The following DNAJB14 variants were observed in gnomAD, a reference collection of about 807,000 sequenced individuals.
The protein encoded by DNAJB14 is DnaJ heat shock protein family (Hsp40) member B14, also known as dnaJ homolog subfamily B member 14.
In DNAJB14, 22 loss-of-function variants were observed where a neutral mutation model predicts 48.4. That is an observed-to-expected ratio of 0.45 (90% confidence interval 0.32 to 0.65). The LOEUF is 0.65. Among genes scored for constraint, DNAJB14 ranks in the 30% least tolerant of loss-of-function variants. DNAJB14 has a pLI of 0.03. For missense variants in DNAJB14, 319 were observed against 458.8 expected (o/e 0.70, Z 2.78); for synonymous variants, 142 against 158.7 (o/e 0.89, Z 0.79).
At position 99,899,049 on chromosome 4, in the gene DNAJB14, T is replaced by A. The variant is rs527874715; in HGVS notation, c.*1979A>T. 7 of 152,032 alleles carry A rather than the reference T, an allele frequency of 4.6e-5. No homozygotes were observed. The highest frequency in any genetic ancestry group is 1.4e-4 in the African/African-American group (6 of 41,566). 9.4% of individuals were successfully genotyped at this position (152,032 alleles called of 1,614,324 possible). On this transcript the variant is annotated 3_prime_UTR_variant, in exon 8 of 8. Transcript: ENST00000442697. ...ATTTAATGGAATGCAGCACTGCAAC[T>A]GAAATATAATACTGTCCAAAAGCCA...
In DNAJB14 at chr4:99,946,392, G is replaced by A. The variant is rs1157148539; in HGVS notation, c.133+47C>T. 3.8e-6 allele frequency: 6 copies of A among 1,571,382 alleles called. 1 individual carries two copies. The South Asian group carries it at 6.9e-5, about 18-fold the overall frequency. ...AGGTGGGGGCAGGGGCGGGCTACGCGGTGGTCTGGGGATTGGGCAGGAAGA... is the reference window on the plus strand; with the variant it reads ...AGGTGGGGGCAGGGGCGGGCTACGCAGTGGTCTGGGGATTGGGCAGGAAGA... On this transcript the variant is annotated intron_variant, in intron 1 of 7. Transcript: ENST00000442697.
Position 99,897,168 on chromosome 4 carries a change from A to T in DNAJB14, c.*3860T>A, listed in dbSNP as rs984293361. On this transcript the variant is annotated 3_prime_UTR_variant, in exon 8 of 8. Transcript: ENST00000442697. ...TGTGGTATATATTAAACAATCACAC[A>T]TTTGAGGTAATTAGCTGGGAAAAAA... 1.4e-5 allele frequency: 2 copies of T among 144,860 alleles called. No homozygotes were observed. The highest frequency in any genetic ancestry group is 5.1e-5 in the African/African-American group (2 of 39,124). 9.0% of individuals were successfully genotyped at this position (144,860 alleles called of 1,614,324 possible).
chr4:99,940,608 T>A (rs1036197235), intron 1 of DNAJB14, among the ~76,000 whole-genome samples: 9 of 151,864 alleles, frequency 5.9e-5, no homozygotes, highest in Non-Finnish European at 1.2e-4. Flanking sequence ...AATAAATAAA[T>A]AAAATAACAA....
At chr4:99,907,273 A>G (rs1725499100) in intron 4 of DNAJB14, among the ~76,000 whole-genome samples, 1 of 152,140 alleles carries the variant, frequency 6.6e-6, no homozygotes. Context: ...TTTTTCTGTA[A>G]TTATGTATTC....
At chr4:99,913,236 A>G (rs1233165138) in intron 3 of DNAJB14, among the ~76,000 whole-genome samples, 3 of 152,190 alleles carry the variant, frequency 2.0e-5, no homozygotes, top group Non-Finnish European at 2.9e-5. Context: ...ATGAGTGGTA[A>G]AGAGATATTC....
rs747227434 is a variant in DNAJB14 at position 99,906,558 on chromosome 4, GCTGATGTTGTTGGCT to G, written c.676_690del (p.Ser226_Gln230del). On this transcript the variant is annotated inframe_deletion, in exon 5 of 8. Transcript: ENST00000442697. ...TCTCTTTCATGTCCACTATGTCGAT[GCTGATGTTGTTGGCT>G]ATAACCAGCTCTTCCATTTGAAAAA... 1 of 1,611,302 alleles carries G rather than the reference GCTGATGTTGTTGGCT, an allele frequency of 6.2e-7. No homozygotes were observed.
intron 1 of DNAJB14, among the ~76,000 whole-genome samples, chr4:99,944,991 T>C (rs1031843560): frequency 6.6e-6 from 1 of 152,198 alleles, no homozygotes; most frequent in African/African-American, 2.4e-5. Flanking sequence ...AATCTACCTA[T>C]CTGAGGTAAC....
chr4:99,933,171 CAT>C (rs892746547), intron 1 of DNAJB14, among the ~76,000 whole-genome samples: 1 of 149,184 alleles, frequency 6.7e-6, no homozygotes, highest in Non-Finnish European at 1.5e-5. Context: ...CTCAATAAAG[CAT>C]GTATATATAT....
rs543168263 is a variant in DNAJB14, at chr4:99,922,134, T to C, written c.451+906A>G. Among the ~76,000 whole-genome samples, 60 of 152,350 alleles carry C rather than the reference T, an allele frequency of 3.9e-4. 1 individual carries two copies. Among genetic ancestry groups the C allele is most frequent in the African/African-American group, 1.4e-3 (57 of 41,582 alleles). ...AGCACCACTTTGGCAGTGGCTTTTA[T>C]TGGAATATATTATTAATTCCCAAAT... On this transcript the variant is annotated intron_variant, in intron 3 of 7. Transcript: ENST00000442697.
In DNAJB14 at chr4:99,923,088, A is replaced by T; in HGVS notation, c.403T>A (p.Phe135Ile). Residue 135 changes from phenylalanine to isoleucine, a missense_variant, in exon 3 of 8, where the codon TTT becomes ATT. By Grantham distance (21) the Phe-to-Ile change is conservative. Coordinates refer to ENST00000442697, the MANE Select transcript of DNAJB14 (RefSeq NM_001031723.4). ...GGTGCATGGTTTTTGTCTGGATGAAACTTCAAAGCAAGCTTTCTATAAGCT... is the reference window on the plus strand; with the variant it reads ...GGTGCATGGTTTTTGTCTGGATGAATCTTCAAAGCAAGCTTTCTATAAGCT... ...KKAYRKLALK[F>I]HPDKNHAPGA... The T allele has an allele frequency of 6.2e-7, 1 of 1,611,938 alleles. No individual in the cohort carries two copies. The highest frequency in any genetic ancestry group is 8.5e-7 in the Non-Finnish European group (1 of 1,179,250).
intron 1 of DNAJB14, among the ~76,000 whole-genome samples, chr4:99,933,003 A>G (rs948203296): frequency 1.3e-5 from 2 of 152,186 alleles, no homozygotes; most frequent in Admixed American, 6.5e-5. Flanking sequence ...CTGGGAATAA[A>G]TGAGGAGTGA....
At chr4:99,919,882 A>G (rs1251812020) in intron 3 of DNAJB14, among the ~76,000 whole-genome samples, 1 of 152,282 alleles carries the variant, frequency 6.6e-6, no homozygotes, top group East Asian at 1.9e-4. Flanking sequence ...CTCTTTAACC[A>G]TAGAAATCAT....
At chr4:99,910,337 C>A (rs960233860) in intron 3 of DNAJB14, 1 of 151,932 alleles carries the variant, frequency 6.6e-6, no homozygotes, top group African/African-American at 2.4e-5. Flanking sequence ...AAGATCCAAA[C>A]AATGTACTTA....
At chr4:99,924,684 G>A (rs1726183487) in intron 2 of DNAJB14, 1 of 1,587,544 alleles carries the variant, frequency 6.3e-7, no homozygotes, top group Non-Finnish European at 8.6e-7. Flanking sequence ...CCTGTGTAGA[G>A]ACTCATTCTC....
rs1230000724 is a variant in DNAJB14, at chr4:99,897,197, A to ATATAT, written c.*3830_*3831insATATA. The ATATAT allele has an allele frequency of 7.3e-6, 1 of 137,462 alleles. No homozygotes were observed. The highest frequency in any genetic ancestry group is 2.8e-5 in the African/African-American group (1 of 35,110). 8.5% of individuals were successfully genotyped at this position (137,462 alleles called of 1,614,324 possible). On this transcript the variant is annotated 3_prime_UTR_variant, in exon 8 of 8. Coordinates refer to ENST00000442697, the MANE Select transcript of DNAJB14 (RefSeq NM_001031723.4). ...GAGGTAATTAGCTGGGAAAAAAAAAAAAAAATATATATATATATATATACA... is the reference window on the plus strand; with the variant it reads ...GAGGTAATTAGCTGGGAAAAAAAAAATATATAAAAATATATATATATATATATACA...
intron 1 of DNAJB14, among the ~76,000 whole-genome samples, chr4:99,944,823 CGCCTCGGCCT>C (rs1727009902): frequency 6.6e-6 from 1 of 152,096 alleles, no homozygotes; most frequent in Non-Finnish European, 1.5e-5. Flanking sequence ...ATGATCCGCC[CGCCTCGGCCT>C]CCCAAAGTGC....
intron 3 of DNAJB14, chr4:99,922,758 A>G (rs1186016179): frequency 4.1e-6 from 1 of 246,404 alleles, no homozygotes; most frequent in Admixed American, 5.3e-5. Flanking sequence ...ATGCATAATC[A>G]TCACCCTATT....
At chr4:99,928,759 T>A (rs1348710951) in intron 2 of DNAJB14, 1 of 160,576 alleles carries the variant, frequency 6.2e-6, no homozygotes, top group African/African-American at 2.4e-5. Context: ...TATATATATA[T>A]AAAATACATT....
chr4:99,926,471 G>A (rs1156438619), intron 2 of DNAJB14: 2 of 152,176 alleles, frequency 1.3e-5, no homozygotes, highest in African/African-American at 4.8e-5. Flanking sequence ...GAGACAAGGT[G>A]GAGAGGTACG....
Sources: gnomAD v4.1 joint callset for allele counts (sites outside exome capture counted in the v4.1 genomes callset) on GRCh38, gnomAD v4.1.1 for gene constraint, MANE v1.5 for transcripts, NCBI Gene and HGNC (gene_info 2026-07-23, HGNC 2026-07-21) for gene names.